Variants in PCDHGB5 observed in about 807,000 individuals in gnomAD.
PCDHGB5 encodes the protein protocadherin gamma-B5.
In PCDHGB5, 48 loss-of-function variants were observed where a neutral mutation model predicts 62.9. The observed-to-expected ratio is 0.76, with a 90% confidence interval of 0.61 to 0.97. PCDHGB5 has a LOEUF of 0.97. Ranked by LOEUF, PCDHGB5 falls within the 50% of genes least tolerant of loss-of-function variation. The probability of loss-of-function intolerance (pLI) is 0.00; values close to 1 mark genes in which losing one functional copy is unlikely to be tolerated. For synonymous variants in PCDHGB5, 474 were observed against 511.2 expected, an observed-to-expected ratio of 0.93 and a Z score of 0.98; for missense variants, 1,118 against 1,198.6, an observed-to-expected ratio of 0.93 and a Z score of 0.99.
chr5:141,485,737 C>T lies in PCDHGB5; in HGVS notation c.2398-9070C>T. On this transcript the variant is annotated intron_variant, in intron 1 of 3. Coordinates refer to ENST00000617380, the MANE Select transcript of PCDHGB5 (RefSeq NM_018925.3). The surrounding 1 kb of genome is among the most constrained non-coding windows in gnomAD (Gnocchi z 5.7). ...TGGATGTGAAGAAGCGCAGCGACGGCAGCCTGGTCCCAGAGCTGCTCCTGG... is the reference window on the plus strand; with the variant it reads ...TGGATGTGAAGAAGCGCAGCGACGGTAGCCTGGTCCCAGAGCTGCTCCTGG... 6.2e-7 allele frequency: 1 copy of T among 1,614,222 alleles called. No individual in the cohort carries two copies. Among genetic ancestry groups the T allele is most frequent in the Non-Finnish European group, 8.5e-7 (1 of 1,180,036 alleles).
chr5:141,414,715 G>A, intron 1 of PCDHGB5: 1 of 1,614,128 alleles, frequency 6.2e-7, no homozygotes. Context: ...CATCAACTCA[G>A]ACACTGGCGT....
Position 141,398,781 on chromosome 5 carries a change from A to G in PCDHGB5, c.654A>G (p.Gly218=). The G allele has an allele frequency of 6.2e-7, 1 of 1,613,934 alleles. No homozygotes were observed. Among genetic ancestry groups the G allele is most frequent in the South Asian group, 1.1e-5 (1 of 91,076 alleles). The change falls in exon 1 of 4, where the codon GGA becomes GGG. Residue 218 remains glycine (G), a synonymous_variant. Coordinates refer to ENST00000617380, the MANE Select transcript of PCDHGB5 (RefSeq NM_018925.3). Reference sequence around the variant, plus strand: ...TAGTCCTGACTGCCTTGGACGGTGGACATCCACCCCTAAGCGGCACCACTG... The same window carrying G: ...TAGTCCTGACTGCCTTGGACGGTGGGCATCCACCCCTAAGCGGCACCACTG... The part of the protein sequence containing the change: ...HRLVLTALDG[G]HPPLSGTTEL...
At chr5:141,467,352 C>A (rs2099142466) in intron 1 of PCDHGB5, among the ~76,000 whole-genome samples, 1 of 152,140 alleles carries the variant, frequency 6.6e-6, no homozygotes, top group South Asian at 2.1e-4. Context: ...TGCCCCCGGC[C>A]AAATCAACGT....
At chr5:141,464,407 A>G (rs996561936) in intron 1 of PCDHGB5, among the ~76,000 whole-genome samples, 1 of 151,544 alleles carries the variant, frequency 6.6e-6, no homozygotes, top group Non-Finnish European at 1.5e-5. Flanking sequence ...CCTGAGATAT[A>G]TATATATCTA....
intron 2 of PCDHGB5, among the ~76,000 whole-genome samples, chr5:141,500,844 T>C (rs190011905): frequency 6.6e-6 from 1 of 152,204 alleles, no homozygotes; most frequent in Non-Finnish European, 1.5e-5. Flanking sequence ...AATGGGCTTT[T>C]GCTACATTAG....
In PCDHGB5 at chr5:141,403,493, A is replaced by G. The variant is rs762825635; in HGVS notation, c.2397+2969A>G. The G allele has an allele frequency of 8.7e-6, 14 of 1,613,886 alleles. No homozygotes were observed. The highest frequency in any genetic ancestry group is 5.0e-5 in the Admixed American group (3 of 59,998). Reference sequence around the variant, plus strand: ...CAGCCCCAATCACCACTTCTCCCTGAACGTGCAGACTGGAGACAATGGAGC... The same window carrying G: ...CAGCCCCAATCACCACTTCTCCCTGGACGTGCAGACTGGAGACAATGGAGC... On this transcript the variant is annotated intron_variant, in intron 1 of 3. Coordinates refer to ENST00000617380, the MANE Select transcript of PCDHGB5 (RefSeq NM_018925.3).
At chr5:141,450,919 G>A (rs1489017891) in intron 1 of PCDHGB5, among the ~76,000 whole-genome samples, 2 of 151,024 alleles carry the variant, frequency 1.3e-5, no homozygotes, top group African/African-American at 4.9e-5. Context: ...CTGCCTCCCA[G>A]ATTCAAGCAA....
At chr5:141,415,538 G>A in intron 1 of PCDHGB5, 1 of 1,614,182 alleles carries the variant, frequency 6.2e-7, no homozygotes, top group Non-Finnish European at 8.5e-7. Flanking sequence ...AGCCAGGAGA[G>A]CTGTGAGAAA....
At chr5:141,410,039 G>A (rs1413013254) in intron 1 of PCDHGB5, 2 of 1,613,264 alleles carry the variant, frequency 1.2e-6, no homozygotes, top group South Asian at 1.1e-5. Context: ...GCAGGCCAGT[G>A]AGCCCGGACT....
chr5:141,417,627 G>C, intron 1 of PCDHGB5: 1 of 694,264 alleles, frequency 1.4e-6, no homozygotes, highest in Non-Finnish European at 2.3e-6. Flanking sequence ...AGCAAGCGCT[G>C]ACGCCGGGGA....
At chr5:141,439,473 G>T (rs1414737627) in intron 1 of PCDHGB5, among the ~76,000 whole-genome samples, 2 of 152,202 alleles carry the variant, frequency 1.3e-5, no homozygotes, top group South Asian at 2.1e-4. Context: ...CTGCCTTTCA[G>T]CTTGCAAATT....
Position 141,493,775 on chromosome 5 carries a change from G to A in PCDHGB5, c.2398-1032G>A, listed in dbSNP as rs1434978072. ...CCTTGAGTGAGCCACTGGCAGTTCCGGAGCTTCCTTCTCCCTGGAGTAATC... is the reference window on the plus strand; with the variant it reads ...CCTTGAGTGAGCCACTGGCAGTTCCAGAGCTTCCTTCTCCCTGGAGTAATC... On this transcript the variant is annotated intron_variant, in intron 1 of 3. Coordinates refer to ENST00000617380, the MANE Select transcript of PCDHGB5 (RefSeq NM_018925.3). The surrounding 1 kb of genome is among the most constrained non-coding windows in gnomAD (Gnocchi z 4.3). Among the ~76,000 whole-genome samples, 1 of 152,094 alleles carries A rather than the reference G, an allele frequency of 6.6e-6. No individual in the cohort carries two copies. The highest frequency in any genetic ancestry group is 6.5e-5 in the Admixed American group (1 of 15,272).
intron 3 of PCDHGB5, among the ~76,000 whole-genome samples, chr5:141,509,045 GC>G (rs1165443091): frequency 6.6e-6 from 1 of 152,060 alleles, no homozygotes; most frequent in Non-Finnish European, 1.5e-5. Context: ...CCTCTCCCCC[GC>G]CCCCAGAAAG....
intron 1 of PCDHGB5, among the ~76,000 whole-genome samples, chr5:141,401,328 G>A (rs919361243): frequency 3.3e-5 from 5 of 151,962 alleles, no homozygotes; most frequent in Non-Finnish European, 7.4e-5. Context: ...GGCAACAAGA[G>A]CAAAACTCCA....
In PCDHGB5 at chr5:141,492,559, C is replaced by A. The variant is rs533830391; in HGVS notation, c.2398-2248C>A. ...GGGCTGGGCCGGGTCGCCTGGGGGG[C>A]GGCCTGAGCGAGGCGCGGGGCCAGG... On this transcript the variant is annotated intron_variant, in intron 1 of 3. Coordinates refer to ENST00000617380, the MANE Select transcript of PCDHGB5 (RefSeq NM_018925.3). 2.6e-5 allele frequency among the ~76,000 whole-genome samples: 4 copies of A among 152,292 alleles called. No individual in the cohort carries two copies. The East Asian group carries it at 7.7e-4, about 29-fold the overall frequency.
chr5:141,419,435 C>T, intron 1 of PCDHGB5: 1 of 1,613,226 alleles, frequency 6.2e-7, no homozygotes, highest in Non-Finnish European at 8.5e-7. Context: ...CGAGCAGCTG[C>T]GCACCTTCGA....
At chr5:141,437,225 T>C (rs943242286) in intron 1 of PCDHGB5, among the ~76,000 whole-genome samples, 2 of 152,240 alleles carry the variant, frequency 1.3e-5, no homozygotes, top group Admixed American at 1.3e-4. Flanking sequence ...ATTCCAGTCA[T>C]AAAATTATGT....
In PCDHGB5 at chr5:141,485,101, T is replaced by C; in HGVS notation, c.2398-9706T>C. On this transcript the variant is annotated intron_variant, in intron 1 of 3. Coordinates refer to ENST00000617380, the MANE Select transcript of PCDHGB5 (RefSeq NM_018925.3). The surrounding 1 kb of genome is among the most constrained non-coding windows in gnomAD (Gnocchi z 5.7). ...GGAAAGGGAGATAGGTGTCTCCAGC[T>C]GCTGTGGCTGTTTGGGGCGGGTCGG... 1 of 1,158,208 alleles carries C rather than the reference T, an allele frequency of 8.6e-7. No homozygotes were observed. Among genetic ancestry groups the C allele is most frequent in the South Asian group, 1.4e-5 (1 of 72,622 alleles). The allele number at this position is 1,158,208 out of a possible 1,614,324, so 71.7% of individuals were successfully genotyped here.
At chr5:141,470,485 GAAT>G (rs2099231720) in intron 1 of PCDHGB5, among the ~76,000 whole-genome samples, 1 of 152,074 alleles carries the variant, frequency 6.6e-6, no homozygotes, top group Admixed American at 6.6e-5. Context: ...AACCCTCTGG[GAAT>G]AATATTAGGT....
Sources: allele counts gnomAD v4.1 joint callset (sites outside exome capture counted in the v4.1 genomes callset), GRCh38; gene constraint gnomAD v4.1.1; non-coding constraint Gnocchi (gnomAD v3.1); transcripts MANE v1.5; gene names NCBI Gene and HGNC (gene_info 2026-07-23, HGNC 2026-07-21).